Variants in CCSER1 observed in about 807,000 individuals in gnomAD.
CCSER1 encodes coiled-coil serine rich protein 1, also known as serine-rich coiled-coil domain-containing protein 1.
A neutral mutation model predicts 82.0 loss-of-function variants in CCSER1; 41 were observed. That is an observed-to-expected ratio of 0.50 (90% confidence interval 0.39 to 0.65). The LOEUF (loss-of-function observed/expected upper bound fraction) is 0.65, where lower values mean the gene tolerates loss of function less well. Among genes scored for constraint, CCSER1 ranks in the 30% least tolerant of loss-of-function variants. CCSER1 has a pLI of 0.00. For synonymous variants in CCSER1, 414 were observed against 383.9 expected, an observed-to-expected ratio of 1.08 and a Z score of -0.92; for missense variants, 1,119 against 1,064.2, an observed-to-expected ratio of 1.05 and a Z score of -0.72.
intron 4 of CCSER1, among the ~76,000 whole-genome samples, chr4:90,443,823 A>C (rs1760247657): frequency 3.3e-5 from 5 of 152,040 alleles, no homozygotes; most frequent in Admixed American, 2.6e-4. Flanking sequence ...TGAGGTTTAA[A>C]TTTCAGAAAA....
At chr4:91,089,196 G>A (rs1426315921) in intron 10 of CCSER1, among the ~76,000 whole-genome samples, 1 of 152,218 alleles carries the variant, frequency 6.6e-6, no homozygotes, top group East Asian at 1.9e-4. Context: ...AATCTAGGCG[G>A]TATGTGACAG....
chr4:90,983,447 C>T (rs1278463718), intron 9 of CCSER1, among the ~76,000 whole-genome samples: 2 of 151,608 alleles, frequency 1.3e-5, no homozygotes, highest in Admixed American at 1.3e-4. Context: ...ACCTCCAGGG[C>T]ATCTTCAGTC....
intron 10 of CCSER1, among the ~76,000 whole-genome samples, chr4:91,255,750 A>G (rs1740629770): frequency 6.6e-6 from 1 of 152,198 alleles, no homozygotes. Context: ...TAAATTGTGA[A>G]GATTTCATGG....
At position 90,640,037 on chromosome 4, in the gene CCSER1, C is replaced by A. The variant is rs75264174; in HGVS notation, c.1932+11805C>A. ...TAAGAGCATAGTGTCTTTCAAAAAG[C>A]CAAGAGAAAATATTGCTTCAAGAAG... On this transcript the variant is annotated intron_variant, in intron 6 of 10. Coordinates refer to ENST00000509176, the MANE Select transcript of CCSER1 (RefSeq NM_001145065.2). 1.5e-3 allele frequency among the ~76,000 whole-genome samples: 226 copies of A among 152,066 alleles called. 1 individual carries two copies. Among genetic ancestry groups the A allele is most frequent in the African/African-American group, 5.3e-3 (219 of 41,478 alleles).
chr4:90,666,714 A>G (rs551957948), intron 6 of CCSER1, among the ~76,000 whole-genome samples: 296 of 152,294 alleles, frequency 1.9e-3, no homozygotes, highest in Non-Finnish European at 3.6e-3. Flanking sequence ...GAGAGAGCCA[A>G]TTTTCACCAA....
intron 10 of CCSER1, among the ~76,000 whole-genome samples, chr4:91,437,905 C>A (rs1399210990): frequency 6.6e-6 from 1 of 152,230 alleles, no homozygotes; most frequent in Non-Finnish European, 1.5e-5. Flanking sequence ...GATCAAACTG[C>A]AAGGCAGCAG....
At chr4:91,253,825 G>A (rs756486463) in intron 10 of CCSER1, among the ~76,000 whole-genome samples, 2 of 151,578 alleles carry the variant, frequency 1.3e-5, no homozygotes, top group Non-Finnish European at 2.9e-5. Flanking sequence ...GGAGTGAGAC[G>A]TCACACATGG....
Position 91,312,117 on chromosome 4 carries a change from C to A in CCSER1, c.2217+226123C>A, listed in dbSNP as rs1745523513. 2.0e-5 allele frequency among the ~76,000 whole-genome samples: 3 copies of A among 151,728 alleles called. No individual in the cohort carries two copies. The South Asian group carries it at 6.2e-4, about 31-fold the overall frequency. ...GTAGGTTCAGTTTATAACAAGTATA[C>A]AAATTTATATTGTAGTGCATATTCT... On this transcript the variant is annotated intron_variant, in intron 10 of 10. Coordinates refer to ENST00000509176, the MANE Select transcript of CCSER1 (RefSeq NM_001145065.2).
At chr4:91,341,633 C>A (rs1266505401) in intron 10 of CCSER1, among the ~76,000 whole-genome samples, 10 of 152,112 alleles carry the variant, frequency 6.6e-5, no homozygotes, top group Admixed American at 6.5e-4. Context: ...CTCACTGCCT[C>A]CAGGTTCAAG....
chr4:91,348,679 T>C (rs894764852), intron 10 of CCSER1, among the ~76,000 whole-genome samples: 1 of 152,180 alleles, frequency 6.6e-6, no homozygotes, highest in Non-Finnish European at 1.5e-5. Context: ...TTTTGGTAGA[T>C]TGTGTGTCTT....
In CCSER1 at chr4:91,437,491, T is replaced by G. The variant is rs533247780; in HGVS notation, c.2218-161081T>G. Among the ~76,000 whole-genome samples the G allele has an allele frequency of 1.1e-4, 16 of 151,784 alleles. 1 individual carries two copies. The highest frequency in any genetic ancestry group is 5.2e-4 in the Admixed American group (8 of 15,244). ...GAATGGATGTTTAAAATAATTAATA[T>G]GAGGGCAGCCAAGATGGCCGAATAG... On this transcript the variant is annotated intron_variant, in intron 10 of 10. Transcript: ENST00000509176.
chr4:90,684,209 G>C (rs538664015), intron 6 of CCSER1, among the ~76,000 whole-genome samples: 1 of 151,992 alleles, frequency 6.6e-6, no homozygotes, highest in Admixed American at 6.6e-5. Flanking sequence ...ATACTAATTT[G>C]CTTCAAAAAA....
intron 4 of CCSER1, among the ~76,000 whole-genome samples, chr4:90,467,552 G>A (rs141430332): frequency 1.6e-4 from 24 of 151,834 alleles, no homozygotes; most frequent in African/African-American, 3.9e-4. Flanking sequence ...ACACGGTGGC[G>A]GGCGCCTGTA....
At chr4:91,271,269 C>CT (rs200810117) in intron 10 of CCSER1, among the ~76,000 whole-genome samples, 4 of 151,204 alleles carry the variant, frequency 2.6e-5, no homozygotes, top group Non-Finnish European at 4.4e-5. Flanking sequence ...TAGCATAGTA[C>CT]TTTTTTTTTC....
At chr4:90,754,369 A>C in intron 7 of CCSER1, among the ~76,000 whole-genome samples, 1 of 152,198 alleles carries the variant, frequency 6.6e-6, no homozygotes, top group East Asian at 1.9e-4. Context: ...GTGTGAGCAT[A>C]TATATCTATG....
chr4:90,818,439 G>A (rs1580628856), intron 8 of CCSER1, among the ~76,000 whole-genome samples: 2 of 151,874 alleles, frequency 1.3e-5, no homozygotes, highest in South Asian at 2.1e-4. Flanking sequence ...CACAGTGCCC[G>A]GCTAATTTTT....
At chr4:91,338,124 G>C (rs1747447332) in intron 10 of CCSER1, among the ~76,000 whole-genome samples, 1 of 152,078 alleles carries the variant, frequency 6.6e-6, no homozygotes, top group African/African-American at 2.4e-5. Context: ...ATCCTGATGA[G>C]CTTTTTAAAT....
chr4:91,397,087 A>C (rs1363314044), intron 10 of CCSER1, among the ~76,000 whole-genome samples: 1 of 152,204 alleles, frequency 6.6e-6, no homozygotes, highest in Admixed American at 6.6e-5. Flanking sequence ...TCTGTCTACA[A>C]GCACTATCAT....
intron 3 of CCSER1, among the ~76,000 whole-genome samples, chr4:90,337,021 G>T (rs1740529991): frequency 6.6e-6 from 1 of 152,148 alleles, no homozygotes; most frequent in Non-Finnish European, 1.5e-5. Context: ...AGAAAATAAG[G>T]TGAAGTAGAA....
Sources: gnomAD v4.1 joint callset for allele counts (sites outside exome capture counted in the v4.1 genomes callset) on GRCh38, gnomAD v4.1.1 for gene constraint, MANE v1.5 for transcripts, NCBI Gene and HGNC (gene_info 2026-07-23, HGNC 2026-07-21) for gene names.